Variants in TTLL4 observed in about 807,000 individuals in gnomAD.
The protein encoded by TTLL4 is tubulin monoglutamylase TTLL4.
TTLL4 carries 85 observed loss-of-function variants against 122.7 expected under a neutral mutation model. That is an observed-to-expected ratio of 0.69 (90% CI 0.58 to 0.83). TTLL4 has a LOEUF of 0.83. Among genes scored for constraint, TTLL4 ranks in the 40% least tolerant of loss-of-function variants. TTLL4 has a pLI of 0.00. For synonymous variants in TTLL4, 553 were observed against 563.0 expected (o/e 0.98, Z 0.25); for missense variants, 1,363 against 1,488.6 (o/e 0.92, Z 1.39).
At chr2:218,731,408 T>C (rs1054186406) in intron 2 of TTLL4, among the ~76,000 whole-genome samples, 1 of 151,612 alleles carries the variant, frequency 6.6e-6, no homozygotes, top group Non-Finnish European at 1.5e-5. Flanking sequence ...GAGACTCTGT[T>C]TCCAAAAAAA....
Position 218,748,089 on chromosome 2 carries a change from G to A in TTLL4, c.2379-16G>A, listed in dbSNP as rs372065862. ...TGTTACCATCTTACCTCTGCCTTTTGTTTCCTTACTTCCAGGTATTCGCCT... is the reference window on the plus strand; with the variant it reads ...TGTTACCATCTTACCTCTGCCTTTTATTTCCTTACTTCCAGGTATTCGCCT... On this transcript the variant is annotated splice_polypyrimidine_tract_variant and intron_variant, in intron 11 of 19. Coordinates refer to ENST00000392102, the MANE Select transcript of TTLL4 (RefSeq NM_014640.5). 6.2e-7 allele frequency: 1 copy of A among 1,614,048 alleles called. No homozygotes were observed. Among genetic ancestry groups the A allele is most frequent in the East Asian group, 2.2e-5 (1 of 44,872 alleles).
Position 218,747,460 on chromosome 2 carries a change from C to T in TTLL4, c.2249+88C>T, listed in dbSNP as rs1056116710. On this transcript the variant is annotated intron_variant, in intron 10 of 19. Transcript: ENST00000392102. This position sits in a 1 kb window ranked among gnomAD's most constrained non-coding sequence, Gnocchi z 4.7. ...CTTACAATGTTCTGCCCTTTGTTCT[C>T]CCAGCCAAAGAGCTTCCTTAGCCAA... 19 of 1,570,290 alleles carry T rather than the reference C, an allele frequency of 1.2e-5. No individual in the cohort carries two copies. The highest frequency in any genetic ancestry group is 1.6e-5 in the Non-Finnish European group (19 of 1,153,654).
chr2:218,715,808 T>C (rs1361808224), intron 1 of TTLL4, among the ~76,000 whole-genome samples: 1 of 152,034 alleles, frequency 6.6e-6, no homozygotes, highest in Non-Finnish European at 1.5e-5. Flanking sequence ...TTTTTTGTAT[T>C]TTTAGTAGAG....
At chr2:218,743,006 T>C (rs1942744109) in intron 5 of TTLL4, among the ~76,000 whole-genome samples, 1 of 151,940 alleles carries the variant, frequency 6.6e-6, no homozygotes, top group African/African-American at 2.4e-5. Context: ...TAGCTGGGCG[T>C]GATGGTGGGC....
At chr2:218,749,163 C>G in intron 13 of TTLL4, 90 bp from the exon 14 acceptor site, 1 of 1,555,412 alleles carries the variant, frequency 6.4e-7, no homozygotes, top group South Asian at 1.2e-5. Flanking sequence ...TTCTGCCTGC[C>G]TATCTCTGGG....
At chr2:218,748,053 T>A in intron 11 of TTLL4, 52 bp from the exon 12 acceptor site, 2 of 1,611,436 alleles carry the variant, frequency 1.2e-6, no homozygotes, top group South Asian at 2.2e-5. Flanking sequence ...TGGCCCCTTC[T>A]CCATCTGCTC....
At chr2:218,737,250 C>T (rs146693272) in intron 2 of TTLL4, among the ~76,000 whole-genome samples, 13 of 152,162 alleles carry the variant, frequency 8.5e-5, no homozygotes, top group African/African-American at 1.9e-4. Flanking sequence ...AAGTTGTGGG[C>T]GGTGAGACAG....
At chr2:218,727,021 C>G (rs536495771) in intron 1 of TTLL4, among the ~76,000 whole-genome samples, 1 of 152,144 alleles carries the variant, frequency 6.6e-6, no homozygotes, top group African/African-American at 2.4e-5. Context: ...GTTGGTCAGG[C>G]AGGTCTCAAG....
At chr2:218,722,887 A>T (rs1352679684) in intron 1 of TTLL4, among the ~76,000 whole-genome samples, 1 of 152,222 alleles carries the variant, frequency 6.6e-6, no homozygotes, top group Non-Finnish European at 1.5e-5. Flanking sequence ...GGAATTGAAG[A>T]TCTGCTGAGG....
chr2:218,731,339 A>G (rs1313073271), intron 2 of TTLL4, among the ~76,000 whole-genome samples: 1 of 151,838 alleles, frequency 6.6e-6, no homozygotes, highest in Non-Finnish European at 1.5e-5. Context: ...TGAACCCGGG[A>G]GGCAGAGGTT....
chr2:218,745,887 C>A, intron 7 of TTLL4, 86 bp downstream of exon 7: 1 of 1,279,560 alleles, frequency 7.8e-7, no homozygotes, highest in Non-Finnish European at 1.1e-6. Flanking sequence ...ACACCTCGTG[C>A]CTATGTCGGG....
intron 1 of TTLL4, among the ~76,000 whole-genome samples, chr2:218,720,363 C>G (rs1575159113): frequency 6.6e-6 from 1 of 152,062 alleles, no homozygotes; most frequent in Non-Finnish European, 1.5e-5. Context: ...AGTGCACGCA[C>G]TGAGTAAAAA....
intron 1 of TTLL4, among the ~76,000 whole-genome samples, chr2:218,720,324 A>G (rs554799806): frequency 6.6e-6 from 1 of 152,306 alleles, no homozygotes; most frequent in South Asian, 2.1e-4. Context: ...GAAAGACACT[A>G]TTGAAGGGGT....
chr2:218,713,267 C>T (rs1226865396), intron 1 of TTLL4, among the ~76,000 whole-genome samples: 2 of 152,080 alleles, frequency 1.3e-5, no homozygotes, highest in Non-Finnish European at 2.9e-5. Context: ...CTCTTATAGT[C>T]CCAGCTATTT....
At chr2:218,746,524 G>T in intron 8 of TTLL4, 4 of 459,398 alleles carry the variant, frequency 8.7e-6, no homozygotes. Flanking sequence ...TCCTGCAGTT[G>T]CAGCTTCTCC....
At chr2:218,757,489 A>T (rs1190531139), downstream of TTLL4, among the ~76,000 whole-genome samples, 1 of 152,250 alleles carries the variant, frequency 6.6e-6, no homozygotes, top group Non-Finnish European at 1.5e-5. Flanking sequence ...GAAGCTTTGA[A>T]AAGAAGGGGA....
At chr2:218,720,462 A>G (rs2106395548) in intron 1 of TTLL4, among the ~76,000 whole-genome samples, 1 of 152,150 alleles carries the variant, frequency 6.6e-6, no homozygotes, top group African/African-American at 2.4e-5. Context: ...ATATTGTGAT[A>G]TAATAAGAAA....
intron 2 of TTLL4, among the ~76,000 whole-genome samples, chr2:218,734,228 A>T (rs754334942): frequency 1.8e-4 from 28 of 152,096 alleles, no homozygotes; most frequent in Admixed American, 3.9e-4. Context: ...TTTTTTTAGG[A>T]TTAAATGAGA....
chr2:218,730,338 A>C (rs1296399926), intron 2 of TTLL4, among the ~76,000 whole-genome samples: 6 of 144,970 alleles, frequency 4.1e-5, no homozygotes, highest in Non-Finnish European at 9.1e-5. Context: ...AAAAAAAAAA[A>C]AAAAAAAAAA....
Sources: allele counts gnomAD v4.1 joint callset (sites outside exome capture counted in the v4.1 genomes callset), GRCh38; gene constraint gnomAD v4.1.1; non-coding constraint Gnocchi (gnomAD v3.1); transcripts MANE v1.5; gene names NCBI Gene and HGNC (gene_info 2026-07-23, HGNC 2026-07-21).